The following P2RY8 variants were observed in gnomAD, a reference collection of about 807,000 sequenced individuals.
P2RY8 encodes the protein P2Y receptor family member 8, also known as S-geranylgeranyl-glutathione receptor P2RY8.
A neutral mutation model predicts 10.0 loss-of-function variants in P2RY8; 6 were observed. That is an observed-to-expected ratio of 0.60 (90% CI 0.33 to 1.19). P2RY8 has a LOEUF of 1.19. Ranked by LOEUF, P2RY8 falls within the 50% of genes most tolerant of loss-of-function variation. P2RY8 has a pLI of 0.04. For missense variants in P2RY8, 456 were observed against 542.0 expected, an observed-to-expected ratio of 0.84 and a Z score of 1.58; for synonymous variants, 276 against 252.5, an observed-to-expected ratio of 1.09 and a Z score of -0.88.
intron 1 of P2RY8, among the ~76,000 whole-genome samples, chrX:1,475,517 A>G (rs1482928555): frequency 3.3e-5 from 5 of 152,096 alleles, no homozygotes; most frequent in Admixed American, 6.5e-5. Context: ...CCACCACATC[A>G]GTGGTAATTA....
At position 1,532,326 on chromosome X, in the gene P2RY8, ATATATACACATATATGTATATGATG is replaced by A. The variant is rs1569538930; in HGVS notation, c.-25+4570_-25+4594del. On this transcript the variant is annotated intron_variant, in intron 1 of 1. Transcript: ENST00000381297. ...GTGTGCCATATATATACACACACGT[ATATATACACATATATGTATATGATG>A]TGTATATATACACATATACGTATAT... Among the ~76,000 whole-genome samples the A allele has an allele frequency of 6.7e-4, 71 of 105,560 alleles. 2 individuals carry two copies. The highest frequency in any genetic ancestry group is 1.0e-3 in the East Asian group (4 of 3,894). 69.3% of individuals were successfully genotyped at this position (105,560 alleles called of 152,430 possible). A position where few individuals can be genotyped will look rare whatever the true frequency, so the allele number is the denominator to read the frequency against.
At chrX:1,498,606 C>T (rs1238286415) in intron 1 of P2RY8, among the ~76,000 whole-genome samples, 3 of 151,006 alleles carry the variant, frequency 2.0e-5, no homozygotes, top group Non-Finnish European at 4.4e-5. Context: ...CAACATCTGC[C>T]TCCCAGGTTC....
intron 1 of P2RY8, among the ~76,000 whole-genome samples, chrX:1,535,547 C>A (rs562554038): frequency 6.6e-6 from 1 of 151,778 alleles, no homozygotes; most frequent in African/African-American, 2.4e-5. Context: ...CAAGGAGGAA[C>A]GGAACGGGAA....
intron 1 of P2RY8, among the ~76,000 whole-genome samples, chrX:1,492,914 G>A (rs1200482975): frequency 6.6e-6 from 1 of 151,910 alleles, no homozygotes; most frequent in African/African-American, 2.4e-5. Flanking sequence ...GCCTCTTTCT[G>A]GTTGTAGGTC....
chrX:1,516,039 T>A (rs1437172117), intron 1 of P2RY8, among the ~76,000 whole-genome samples: 1 of 130,002 alleles, frequency 7.7e-6, no homozygotes, highest in Non-Finnish European at 1.6e-5. Context: ...AAAAAAAAAA[T>A]ACTAAAAATT....
chrX:1,527,432 A>T (rs1334746417), intron 1 of P2RY8, among the ~76,000 whole-genome samples: 1 of 151,908 alleles, frequency 6.6e-6, no homozygotes, highest in Non-Finnish European at 1.5e-5. Flanking sequence ...CTATTCATTC[A>T]TTCATTTATT....
chrX:1,481,483 AAGCTTTGGGTTTAAGGGATCCC>A (rs1222749603), intron 1 of P2RY8, among the ~76,000 whole-genome samples: 1 of 151,874 alleles, frequency 6.6e-6, no homozygotes, highest in Non-Finnish European at 1.5e-5. Context: ...CATTTTCTTC[AAGCTTTGGGTTTAAGGGATCCC>A]AGCTTTGGGC....
intron 1 of P2RY8, among the ~76,000 whole-genome samples, chrX:1,518,438 AT>A (rs1418262243): frequency 0.015 from 1,971 of 129,824 alleles, 36 homozygotes; most frequent in East Asian, 0.032. Flanking sequence ...AAAAAAAAAA[AT>A]AATAATAATA....
At chrX:1,505,791 AAAAC>A (rs775869756) in intron 1 of P2RY8, among the ~76,000 whole-genome samples, 47 of 152,122 alleles carry the variant, frequency 3.1e-4, no homozygotes, top group Non-Finnish European at 1.6e-4. Flanking sequence ...CTGCGTCTCA[AAAAC>A]AAACAAACAA....
At chrX:1,490,727 C>T (rs1449828104) in intron 1 of P2RY8, among the ~76,000 whole-genome samples, 2 of 145,952 alleles carry the variant, frequency 1.4e-5, no homozygotes, top group Non-Finnish European at 3.0e-5. Context: ...CCAGATATTC[C>T]CCACAAATGT....
intron 1 of P2RY8, among the ~76,000 whole-genome samples, chrX:1,530,157 GATCTATCTATCTATCTATCTATCTATCT>G (rs1179030530): frequency 9.4e-5 from 4 of 42,562 alleles, no homozygotes; most frequent in African/African-American, 2.0e-4. Flanking sequence ...ATGTATGTAT[GATCTATCTATCTATCTATCTATCTATCT>G]ATCTATCTAT....
chrX:1,473,555 G>GAACT (rs2091826300), intron 1 of P2RY8, among the ~76,000 whole-genome samples: 1 of 122,710 alleles, frequency 8.1e-6, no homozygotes, highest in African/African-American at 3.1e-5. Flanking sequence ...GTGGATGAAT[G>GAACT]GTAGGTGGGT....
intron 1 of P2RY8, among the ~76,000 whole-genome samples, chrX:1,485,436 G>A (rs1338228272): frequency 6.6e-6 from 1 of 152,038 alleles, no homozygotes; most frequent in Non-Finnish European, 1.5e-5. Flanking sequence ...ACTGCGCCCA[G>A]CCCCTTAATG....
At chrX:1,492,281 C>G (rs755513440) in intron 1 of P2RY8, among the ~76,000 whole-genome samples, 143 of 152,262 alleles carry the variant, frequency 9.4e-4, no homozygotes, top group Non-Finnish European at 1.5e-3. Context: ...GGGGGCCACC[C>G]TCACCCTGTT....
chrX:1,470,871 C>CT, intron 1 of P2RY8, among the ~76,000 whole-genome samples: 1 of 144,598 alleles, frequency 6.9e-6, no homozygotes, highest in African/African-American at 2.6e-5. Context: ...GAGTCTTGCT[C>CT]TGTTGCCCAG....
rs5989747 is a variant in P2RY8 at position 1,483,043 on chromosome X, T to A, written c.-24-16461A>T. ...CACCAACATGGCACATGTATACATATGTAACAAACCTGCACGTTGTGCACA... is the reference window on the plus strand; with the variant it reads ...CACCAACATGGCACATGTATACATAAGTAACAAACCTGCACGTTGTGCACA... On this transcript the variant is annotated intron_variant, in intron 1 of 1. Transcript: ENST00000381297. Among the ~76,000 whole-genome samples, 1,414 of 152,028 alleles carry A rather than the reference T, an allele frequency of 9.3e-3. 22 individuals carry two copies. The highest frequency in any genetic ancestry group is 0.032 in the African/African-American group (1,338 of 41,462).
chrX:1,534,176 T>TA (rs1303727870), intron 1 of P2RY8, among the ~76,000 whole-genome samples: 1 of 139,086 alleles, frequency 7.2e-6, no homozygotes, highest in Non-Finnish European at 1.5e-5. Flanking sequence ...TTTACATATA[T>TA]TATATATTTA....
intron 1 of P2RY8, among the ~76,000 whole-genome samples, chrX:1,521,191 G>T (rs1211080832): frequency 6.6e-6 from 1 of 151,706 alleles, no homozygotes; most frequent in African/African-American, 2.4e-5. Context: ...TGGGTTTACA[G>T]GCATGCTCCA....
intron 1 of P2RY8, among the ~76,000 whole-genome samples, chrX:1,509,808 T>TC (rs1556682893): frequency 0.097 from 7,605 of 78,556 alleles, 413 homozygotes; most frequent in Non-Finnish European, 0.17. Flanking sequence ...TATCTATCTA[T>TC]CTATCTATCT....
Sources: allele counts gnomAD v4.1 joint callset (sites outside exome capture counted in the v4.1 genomes callset), GRCh38; gene constraint gnomAD v4.1.1; transcripts MANE v1.5; gene names NCBI Gene and HGNC (gene_info 2026-07-23, HGNC 2026-07-21).